ETV6: variants seen among roughly 807,000 people sequenced by gnomAD.
ETV6 encodes the protein transcription factor ETV6.
Under a neutral mutation model 51.1 loss-of-function variants are expected in ETV6, and 16 were observed. The observed-to-expected ratio is 0.31, with a 90% CI of 0.21 to 0.48. The LOEUF (loss-of-function observed/expected upper bound fraction) is 0.48, where lower values mean the gene tolerates loss of function less well. Among genes scored for constraint, ETV6 ranks in the 20% least tolerant of loss-of-function variants. ETV6 has a pLI of 0.99. For missense variants in ETV6, 458 were observed against 594.8 expected, an observed-to-expected ratio of 0.77 and a Z score of 2.39; for synonymous variants, 240 against 224.1, an observed-to-expected ratio of 1.07 and a Z score of -0.64.
chr12:11,863,796 C>T (rs1591729862), intron 4 of ETV6, among the ~76,000 whole-genome samples: 1 of 152,158 alleles, frequency 6.6e-6, no homozygotes, highest in African/African-American at 2.4e-5. Flanking sequence ...ATAACAGAGG[C>T]GGCAGGCAGC....
At chr12:11,853,614 G>A in intron 4 of ETV6, 53 bp downstream of exon 4, 1 of 1,593,134 alleles carries the variant, frequency 6.3e-7, no homozygotes. Flanking sequence ...AATCCAGGAA[G>A]TTTAATTGTT....
intron 2 of ETV6, among the ~76,000 whole-genome samples, chr12:11,781,222 G>A (rs542679634): frequency 1.3e-5 from 2 of 152,200 alleles, no homozygotes; most frequent in African/African-American, 2.4e-5. Flanking sequence ...CCTCAGAGAT[G>A]ATATATTTCA....
At chr12:11,796,470 T>C (rs1194170258) in intron 2 of ETV6, among the ~76,000 whole-genome samples, 1 of 152,194 alleles carries the variant, frequency 6.6e-6, no homozygotes. Flanking sequence ...GCAGAGTGAA[T>C]GTTGGAGCTC....
At chr12:11,820,993 G>A (rs569085646) in intron 2 of ETV6, among the ~76,000 whole-genome samples, 21 of 152,300 alleles carry the variant, frequency 1.4e-4, no homozygotes, top group African/African-American at 3.8e-4. Context: ...CAGAGGTGGC[G>A]GAAGTGGGCA....
At chr12:11,745,966 C>G (rs1865899817) in intron 1 of ETV6, among the ~76,000 whole-genome samples, 1 of 152,170 alleles carries the variant, frequency 6.6e-6, no homozygotes, top group African/African-American at 2.4e-5. Context: ...AATGGCTACT[C>G]CTGCTCAGGG....
At chr12:11,776,737 C>T (rs1416161399) in intron 2 of ETV6, among the ~76,000 whole-genome samples, 1 of 152,144 alleles carries the variant, frequency 6.6e-6, no homozygotes, top group Admixed American at 6.5e-5. Flanking sequence ...TTTATGGAAG[C>T]ACTTCAGCAA....
Position 11,869,706 on chromosome 12 carries a change from C to G in ETV6, c.746C>G (p.Ser249Cys). 1 of 1,614,104 alleles carries G rather than the reference C, an allele frequency of 6.2e-7. No individual in the cohort carries two copies. Among genetic ancestry groups the G allele is most frequent in the African/African-American group, 1.3e-5 (1 of 75,058 alleles). The change falls in exon 5 of 8, where the codon TCC (serine) becomes TGC (cysteine). Residue 249 changes from serine to cysteine, a missense_variant. This residue lies in a region of ETV6 where 293 missense variants were observed against 315.7 expected (regional missense o/e 0.93). Coordinates refer to ENST00000396373, the MANE Select transcript of ETV6 (RefSeq NM_001987.5). This position sits in a 1 kb window ranked among gnomAD's most constrained non-coding sequence, Gnocchi z 5.0. Reference protein sequence around the residue: ...PMENNHCPASSESHPKPSSPR... With the variant: ...PMENNHCPASCESHPKPSSPR... Reference sequence around the variant, plus strand: ...GAGAATAATCACTGCCCAGCGTCCTCCGAGTCCCACCCGAAGCCATCCAGC... The same window carrying G: ...GAGAATAATCACTGCCCAGCGTCCTGCGAGTCCCACCCGAAGCCATCCAGC...
intron 3 of ETV6, among the ~76,000 whole-genome samples, chr12:11,844,766 A>G (rs992650443): frequency 9.2e-5 from 14 of 152,082 alleles, no homozygotes; most frequent in Middle Eastern, 3.2e-3. Context: ...AGCCAAAAAA[A>G]AAAAAAAAGT....
intron 1 of ETV6, among the ~76,000 whole-genome samples, chr12:11,715,188 T>C (rs1028312668): frequency 6.6e-6 from 1 of 152,224 alleles, no homozygotes; most frequent in Non-Finnish European, 1.5e-5. Flanking sequence ...TACGGAAATA[T>C]AGGCTATTTC....
At chr12:11,668,539 T>C (rs12301681) in intron 1 of ETV6, among the ~76,000 whole-genome samples, 10,139 of 152,220 alleles carry the variant, frequency 0.067, 525 homozygotes, top group African/African-American at 0.14. Flanking sequence ...TTCTATGTGG[T>C]AAAGGTGGCA....
At chr12:11,719,668 T>C (rs1338508954) in intron 1 of ETV6, among the ~76,000 whole-genome samples, 1 of 152,088 alleles carries the variant, frequency 6.6e-6, no homozygotes, top group Non-Finnish European at 1.5e-5. Context: ...GTGGCGTCTT[T>C]TGGGGGTGCT....
In ETV6 at chr12:11,891,341, T is replaced by C. The variant is rs1241128139; in HGVS notation, c.*295T>C. On this transcript the variant is annotated 3_prime_UTR_variant, in exon 8 of 8. Coordinates refer to ENST00000396373, the MANE Select transcript of ETV6 (RefSeq NM_001987.5). The stretch of plus-strand genomic sequence containing the variant: ...ATTCCTCACCCTCACCCTTCCACCG[T>C]TGTTAGTATCATGGTGTTTTTGTTT... 2.6e-6 allele frequency: 1 copy of C among 382,778 alleles called. No homozygotes were observed. Among genetic ancestry groups the C allele is most frequent in the African/African-American group, 2.1e-5 (1 of 48,676 alleles). 23.7% of individuals were successfully genotyped at this position (382,778 alleles called of 1,614,324 possible).
chr12:11,853,454 A>G lies in ETV6; in HGVS notation c.356A>G (p.His119Arg). 1.2e-6 allele frequency: 2 copies of G among 1,614,158 alleles called. No individual in the cohort carries two copies. Among genetic ancestry groups the G allele is most frequent in the African/African-American group, 1.3e-5 (1 of 75,032 alleles). Residue 119 changes from histidine to arginine, a missense_variant, in exon 4 of 8, where the codon CAT becomes CGT. By Grantham distance (29) the His-to-Arg change is conservative. Transcript: ENST00000396373. ...GATGTGCTCTATGAACTCCTTCAGC[A>G]TATTCTGAAGCAGAGGAAACCTCGG... ...SGDVLYELLQ[H>R]ILKQRKPRIL...
chr12:11,823,657 G>A (rs1034294140), intron 2 of ETV6, among the ~76,000 whole-genome samples: 6 of 152,008 alleles, frequency 3.9e-5, no homozygotes, highest in Admixed American at 1.3e-4. Context: ...CAGTAGAGAC[G>A]GGGTTTCACT....
chr12:11,873,061 G>A (rs145795686), intron 5 of ETV6, among the ~76,000 whole-genome samples: 1 of 152,314 alleles, frequency 6.6e-6, no homozygotes, highest in African/African-American at 2.4e-5. Flanking sequence ...ATAACACAAT[G>A]TCCTAAAACT....
intron 2 of ETV6, among the ~76,000 whole-genome samples, chr12:11,826,720 C>G (rs1946158430): frequency 6.6e-6 from 1 of 152,132 alleles, no homozygotes; most frequent in South Asian, 2.1e-4. Context: ...GGTGACAGAG[C>G]CAAGGAGAAA....
intron 2 of ETV6, among the ~76,000 whole-genome samples, chr12:11,811,829 G>T (rs1945918438): frequency 6.6e-6 from 1 of 152,178 alleles, no homozygotes; most frequent in South Asian, 2.1e-4. Context: ...TCCTAGGCCA[G>T]TCAGGAACAG....
intron 1 of ETV6, among the ~76,000 whole-genome samples, chr12:11,657,391 A>G (rs1252532685): frequency 6.6e-6 from 1 of 152,248 alleles, no homozygotes; most frequent in Non-Finnish European, 1.5e-5. Flanking sequence ...GAAGATTCAC[A>G]TGACATATTA....
chr12:11,804,410 C>A (rs1035406374), intron 2 of ETV6, among the ~76,000 whole-genome samples: 1 of 152,200 alleles, frequency 6.6e-6, no homozygotes, highest in African/African-American at 2.4e-5. Context: ...TCTCGTCAAC[C>A]TCTCCACCCT....
Sources: gnomAD v4.1 joint callset for allele counts (sites outside exome capture counted in the v4.1 genomes callset) on GRCh38, gnomAD v4.1.1 for gene constraint, gnomAD v4.1.1 regional missense constraint, Gnocchi (gnomAD v3.1) non-coding constraint, MANE v1.5 for transcripts, NCBI Gene and HGNC (gene_info 2026-07-23, HGNC 2026-07-21) for gene names.